The following KANSL1L variants were observed in gnomAD, a reference collection of about 807,000 sequenced individuals.
KANSL1L encodes the protein KAT8 regulatory NSL complex subunit 1 like.
In KANSL1L, 25 loss-of-function variants were observed where a neutral mutation model predicts 108.6. The ratio of observed to expected loss-of-function variants is 0.23; its 90% CI spans 0.17 to 0.32. KANSL1L has a LOEUF of 0.32. Ranked by LOEUF, KANSL1L falls within the 10% of genes least tolerant of loss-of-function variation. The pLI, the probability that KANSL1L is intolerant of heterozygous loss-of-function variation, is 1.00. For synonymous variants in KANSL1L, 405 were observed against 395.1 expected (o/e 1.03, Z -0.30); for missense variants, 1,137 against 1,125.7 (o/e 1.01, Z -0.14).
At chr2:210,118,355 CT>C (rs2094977363) in intron 3 of KANSL1L, among the ~76,000 whole-genome samples, 1 of 150,416 alleles carries the variant, frequency 6.6e-6, no homozygotes, top group Admixed American at 6.6e-5. Context: ...GTAATCCCAG[CT>C]ACTCGGGAGG....
rs1371288146 is a variant in KANSL1L, at chr2:210,028,952, T to C, written c.2289A>G (p.Arg763=). 1 of 1,611,402 alleles carries C rather than the reference T, an allele frequency of 6.2e-7. No homozygotes were observed. Among genetic ancestry groups the C allele is most frequent in the East Asian group, 2.2e-5 (1 of 44,772 alleles). ...TGTCATAAGAGCTCTCACTTCTCAA[T>C]CTCCGTCGTGCAGTATTCTGCAAAA... is the stretch of plus-strand genomic sequence containing the variant. ...QNSSRNTARR[R]LRSESSYDID... Residue 763 remains arginine, a synonymous_variant, in exon 11 of 15, where the codon AGA becomes AGG. Transcript: ENST00000281772.
chr2:210,080,128 AACACACACACACGCGTGCACAC>A (rs934276725), intron 5 of KANSL1L: 1 of 135,446 alleles, frequency 7.4e-6, no homozygotes, highest in African/African-American at 2.6e-5. Flanking sequence ...GCCACCCTAC[AACACACACACACGCGTGCACAC>A]ACACACACAC....
intron 3 of KANSL1L, among the ~76,000 whole-genome samples, chr2:210,117,883 G>A (rs2094969734): frequency 6.6e-6 from 1 of 152,088 alleles, no homozygotes; most frequent in African/African-American, 2.4e-5. Flanking sequence ...GAAAATTTTG[G>A]CCAGGCACGA....
At chr2:210,036,115 T>G (rs1205271026) in intron 8 of KANSL1L, among the ~76,000 whole-genome samples, 1 of 152,170 alleles carries the variant, frequency 6.6e-6, no homozygotes, top group Admixed American at 6.5e-5. Flanking sequence ...CCTTGCCCAT[T>G]TCTCATCTCC....
chr2:210,035,601 C>A (rs1414045865), intron 8 of KANSL1L, among the ~76,000 whole-genome samples: 1 of 152,146 alleles, frequency 6.6e-6, no homozygotes, highest in Non-Finnish European at 1.5e-5. Context: ...GCCTCAGCCT[C>A]CCGAGTAGCT....
intron 1 of KANSL1L, among the ~76,000 whole-genome samples, chr2:210,166,433 TA>T (rs1687967293): frequency 6.6e-6 from 1 of 152,144 alleles, no homozygotes; most frequent in African/African-American, 2.4e-5. Context: ...AAAAATTTGC[TA>T]ATCTAATCTC....
intron 8 of KANSL1L, among the ~76,000 whole-genome samples, chr2:210,038,755 T>A (rs533437883): frequency 1.3e-5 from 2 of 151,842 alleles, no homozygotes; most frequent in East Asian, 4.0e-4. Context: ...CAAAGGAAAC[T>A]TAGTTATATA....
chr2:210,022,576 A>T lies in KANSL1L; in HGVS notation c.*373T>A, dbSNP rs1265644312. ...AATGAATTACCATGTATATAAAAAA[A>T]TAGCTGTCACTTGGCACACAGGTTT... is the stretch of plus-strand genomic sequence containing the variant. On this transcript the variant is annotated 3_prime_UTR_variant, in exon 15 of 15. Transcript: ENST00000281772. The T allele has an allele frequency of 5.6e-6, 1 of 179,498 alleles. No homozygotes were observed. The highest frequency in any genetic ancestry group is 1.5e-4 in the East Asian group (1 of 6,538). The allele number at this position is 179,498 out of a possible 1,614,324, so 11.1% of individuals were successfully genotyped here.
Position 210,022,972 on chromosome 2 carries a change from T to TAA in KANSL1L, c.2939_2940dup (p.Thr981LeufsTer18). ...TGTCACCTATTTTTTTTAACATTAG[T>TAA]AAGTCCTAGACCAAAGGTTTTGTAT... On this transcript the variant is annotated frameshift_variant, in exon 15 of 15. Coordinates refer to ENST00000281772, the MANE Select transcript of KANSL1L (RefSeq NM_152519.4). LOFTEE classifies it high-confidence loss of function. 6.2e-7 allele frequency: 1 copy of TAA among 1,613,194 alleles called. No homozygotes were observed. Among genetic ancestry groups the TAA allele is most frequent in the Non-Finnish European group, 8.5e-7 (1 of 1,179,170 alleles).
chr2:210,029,024 AC>A, intron 10 of KANSL1L, 55 bp from the exon 11 acceptor site: 1 of 1,411,846 alleles, frequency 7.1e-7, no homozygotes, highest in Non-Finnish European at 9.7e-7. Flanking sequence ...TTGTAATGAT[AC>A]CCTCCTTTCA....
At chr2:210,028,576 G>A (rs2093970585) in intron 11 of KANSL1L, 1 of 285,664 alleles carries the variant, frequency 3.5e-6, no homozygotes, top group South Asian at 5.3e-5. Flanking sequence ...CATATACATA[G>A]TAGATAACAC....
chr2:210,059,176 A>G (rs962613781), intron 6 of KANSL1L, among the ~76,000 whole-genome samples: 1 of 151,804 alleles, frequency 6.6e-6, no homozygotes, highest in Admixed American at 6.6e-5. Flanking sequence ...CCTAGGCTTC[A>G]AGAGGCATGT....
chr2:210,122,816 C>T (rs986995997), intron 3 of KANSL1L, among the ~76,000 whole-genome samples: 1 of 150,162 alleles, frequency 6.7e-6, no homozygotes, highest in Admixed American at 6.6e-5. Context: ...AACCAGAATA[C>T]ATAAGGTGCT....
intron 2 of KANSL1L, chr2:210,151,946 A>G (rs1451633818): frequency 6.6e-6 from 1 of 152,186 alleles, no homozygotes; most frequent in African/African-American, 2.4e-5. Context: ...TAATTCTGTA[A>G]TTCTCATTTA....
chr2:210,146,882 G>T (rs1325398112), intron 2 of KANSL1L, among the ~76,000 whole-genome samples: 1 of 152,076 alleles, frequency 6.6e-6, no homozygotes, highest in African/African-American at 2.4e-5. Flanking sequence ...AAACAAAACA[G>T]CTTTTTTTTC....
intron 2 of KANSL1L, among the ~76,000 whole-genome samples, chr2:210,137,768 T>C (rs1485774257): frequency 6.6e-6 from 1 of 152,150 alleles, no homozygotes; most frequent in Non-Finnish European, 1.5e-5. Flanking sequence ...CAGTGGCTCA[T>C]GCCTGTAATA....
intron 5 of KANSL1L, among the ~76,000 whole-genome samples, chr2:210,077,204 T>C (rs535373832): frequency 6.6e-6 from 1 of 152,246 alleles, no homozygotes; most frequent in South Asian, 2.1e-4. Flanking sequence ...ACGTAATTGA[T>C]TATGCACTAC....
At chr2:210,135,772 A>T (rs1575595743) in intron 2 of KANSL1L, among the ~76,000 whole-genome samples, 2 of 152,274 alleles carry the variant, frequency 1.3e-5, no homozygotes, top group South Asian at 4.1e-4. Flanking sequence ...CTTGTTATAA[A>T]AGCTTAACAT....
At chr2:210,035,870 T>C (rs2094095730) in intron 8 of KANSL1L, among the ~76,000 whole-genome samples, 1 of 152,200 alleles carries the variant, frequency 6.6e-6, no homozygotes. Context: ...TGTTACTCAG[T>C]ATGGGCCAAC....
Sources: gnomAD v4.1 joint callset for allele counts (sites outside exome capture counted in the v4.1 genomes callset) on GRCh38, gnomAD v4.1.1 for gene constraint, MANE v1.5 for transcripts, NCBI Gene and HGNC (gene_info 2026-07-23, HGNC 2026-07-21) for gene names.